PRH1: variants seen among roughly 807,000 people sequenced by gnomAD.
PRH1 encodes the protein proline rich protein HaeIII subfamily 1, also known as salivary acidic proline-rich phosphoprotein 1/2.
In PRH1, 7 loss-of-function variants were observed where a neutral mutation model predicts 7.9. That is an observed-to-expected ratio of 0.89 (90% CI 0.50 to 1.67). The LOEUF is 1.67. PRH1 is among the 40% of genes most tolerant of loss of function. The pLI, the probability that PRH1 is intolerant of heterozygous loss-of-function variation, is 0.00. For synonymous variants in PRH1, 45 were observed against 80.8 expected, an observed-to-expected ratio of 0.56 and a Z score of 2.38; for missense variants, 109 against 223.6, an observed-to-expected ratio of 0.49 and a Z score of 3.27.
At chr12:11,044,714 C>A (rs1942843532) in intron 1 of PRH1, among the ~76,000 whole-genome samples, 1 of 152,074 alleles carries the variant, frequency 6.6e-6, no homozygotes, top group Non-Finnish European at 1.5e-5. Flanking sequence ...TGCTCAACAT[C>A]ATTGACCATC....
At chr12:11,099,738 A>G (rs892929944) in intron 1 of PRH1, among the ~76,000 whole-genome samples, 2 of 152,160 alleles carry the variant, frequency 1.3e-5, no homozygotes, top group Non-Finnish European at 2.9e-5. Context: ...AAATCCAAAG[A>G]CATGTGAGAT....
chr12:10,908,822 A>G (rs767994152), intron 2 of PRH1: 3 of 1,613,892 alleles, frequency 1.9e-6, no homozygotes, highest in South Asian at 2.2e-5. Flanking sequence ...TGTTTCTTTC[A>G]TATCGGTCCA....
At chr12:10,890,586 T>C (rs1289159690) in intron 2 of PRH1, among the ~76,000 whole-genome samples, 1 of 152,156 alleles carries the variant, frequency 6.6e-6, no homozygotes, top group African/African-American at 2.4e-5. Flanking sequence ...AGAACGACTG[T>C]AGGCCTCCCC....
At chr12:10,935,382 C>T (rs571817319) in intron 2 of PRH1, among the ~76,000 whole-genome samples, 2 of 152,188 alleles carry the variant, frequency 1.3e-5, no homozygotes, top group South Asian at 4.1e-4. Context: ...CATAATTACC[C>T]TTGATATTCT....
intron 1 of PRH1, chr12:11,030,720 G>A (rs1289785201): frequency 6.2e-7 from 1 of 1,614,074 alleles, no homozygotes; most frequent in African/African-American, 1.3e-5. Flanking sequence ...ATCTTCTTGA[G>A]ATGTTTACAC....
intron 1 of PRH1, among the ~76,000 whole-genome samples, chr12:11,040,191 A>G (rs1413657843): frequency 2.6e-5 from 4 of 152,184 alleles, no homozygotes; most frequent in Admixed American, 6.5e-5. Flanking sequence ...TTGATTACTT[A>G]AAGGATTAAG....
At chr12:11,105,387 C>G (rs1945380175) in intron 1 of PRH1, among the ~76,000 whole-genome samples, 1 of 152,042 alleles carries the variant, frequency 6.6e-6, no homozygotes, top group Admixed American at 6.6e-5. Flanking sequence ...CTATGTGTAC[C>G]TGATTCCTGA....
chr12:10,932,203 A>T (rs1033183446), intron 2 of PRH1: 34 of 434,906 alleles, frequency 7.8e-5, no homozygotes, highest in African/African-American at 5.8e-4. Context: ...AGTCTTGCCT[A>T]TAATCTTCCT....
chr12:10,958,544 A>C (rs1182742718), intron 2 of PRH1, among the ~76,000 whole-genome samples: 1 of 152,158 alleles, frequency 6.6e-6, no homozygotes, highest in Non-Finnish European at 1.5e-5. Context: ...CATGTACCCC[A>C]GAATCTAAAA....
At chr12:10,900,122 T>C (rs1359449895) in intron 2 of PRH1, among the ~76,000 whole-genome samples, 3 of 152,138 alleles carry the variant, frequency 2.0e-5, no homozygotes, top group Non-Finnish European at 1.5e-5. Context: ...GAGGGGAACA[T>C]GGGCAAACAG....
At chr12:11,119,964 C>T (rs922799447), downstream of PRH1, among the ~76,000 whole-genome samples, 5 of 152,050 alleles carry the variant, frequency 3.3e-5, no homozygotes, top group African/African-American at 9.7e-5. Context: ...GTTTTGTATG[C>T]CAATTCAAGC....
chr12:11,020,582 CTG>C (rs1381945728), intron 1 of PRH1, among the ~76,000 whole-genome samples: 3 of 151,920 alleles, frequency 2.0e-5, no homozygotes, highest in Non-Finnish European at 4.4e-5. Context: ...CATCAACACA[CTG>C]TGTAATTTCA....
chr12:11,017,810 G>A (rs1215242195), intron 1 of PRH1, among the ~76,000 whole-genome samples: 1 of 152,062 alleles, frequency 6.6e-6, no homozygotes, highest in African/African-American at 2.4e-5. Flanking sequence ...CCTGTTTAAG[G>A]TAAATGGCTT....
In PRH1 at chr12:11,143,363, T is replaced by G. The variant is rs139923010; in HGVS notation, n.40-22183A>C. On this transcript the variant is annotated intron_variant and non_coding_transcript_variant, in intron 1 of 1. Coordinates refer to the PRH1 transcript ENST00000541175. ...AAATCAAAAAACATAATACAATGGA[T>G]ACACACAAAAAAATAAAAAGCAAGA... Among the ~76,000 whole-genome samples the G allele has an allele frequency of 5.3e-5, 8 of 151,904 alleles. No homozygotes were observed. In the East Asian group the frequency reaches 1.6e-3, roughly 29 times the overall value.
intron 1 of PRH1, among the ~76,000 whole-genome samples, chr12:11,012,852 C>G (rs1941126160): frequency 6.6e-6 from 1 of 152,096 alleles, no homozygotes; most frequent in Non-Finnish European, 1.5e-5. Context: ...CTGCACCTAG[C>G]TGAGAACTTC....
intron 1 of PRH1, among the ~76,000 whole-genome samples, chr12:11,024,812 T>A (rs1941828410): frequency 1.3e-5 from 2 of 152,288 alleles, no homozygotes; most frequent in African/African-American, 4.8e-5. Flanking sequence ...AATTACAGGG[T>A]CCTTGATTAT....
chr12:11,064,467 G>C (rs1943731057), intron 1 of PRH1, among the ~76,000 whole-genome samples: 1 of 151,852 alleles, frequency 6.6e-6, no homozygotes, highest in South Asian at 2.1e-4. Flanking sequence ...AATTCTACTA[G>C]AGCATTCTTT....
chr12:11,124,153 CA>C (rs2136332602), intron 1 of PRH1, among the ~76,000 whole-genome samples: 1 of 152,280 alleles, frequency 6.6e-6, no homozygotes, highest in South Asian at 2.1e-4. Flanking sequence ...GTCCTCGCCA[CA>C]CAATCTCCTC....
At chr12:11,145,229 T>C (rs1043129214) in intron 1 of PRH1, among the ~76,000 whole-genome samples, 2 of 152,180 alleles carry the variant, frequency 1.3e-5, no homozygotes, top group Non-Finnish European at 2.9e-5. Context: ...TCTCGCCCCA[T>C]TGCCCAGGTT....
Sources: gnomAD v4.1 joint callset for allele counts (sites outside exome capture counted in the v4.1 genomes callset) on GRCh38, gnomAD v4.1.1 for gene constraint, MANE v1.5 for transcripts, NCBI Gene and HGNC (gene_info 2026-07-23, HGNC 2026-07-21) for gene names.